Variants in SOCS7 observed in about 807,000 individuals in gnomAD.
SOCS7 encodes the protein suppressor of cytokine signaling 7, also known as NAP-4.
In SOCS7, 18 loss-of-function variants were observed where a neutral mutation model predicts 58.9. The ratio of observed to expected loss-of-function variants is 0.31; its 90% CI spans 0.21 to 0.45. The LOEUF (loss-of-function observed/expected upper bound fraction) is 0.45, where lower values mean the gene tolerates loss of function less well. Ranked by LOEUF, SOCS7 falls within the 20% of genes least tolerant of loss-of-function variation. SOCS7 has a pLI of 1.00. For missense variants in SOCS7, 667 were observed against 837.3 expected (o/e 0.80, Z 2.51); for synonymous variants, 388 against 364.3 (o/e 1.06, Z -0.74).
intron 9 of SOCS7, among the ~76,000 whole-genome samples, chr17:38,397,950 G>T (rs990315118): frequency 6.6e-6 from 1 of 152,296 alleles, no homozygotes; most frequent in Admixed American, 6.5e-5. Context: ...AGCCATGGGA[G>T]TGCCTTGGAG....
At position 38,385,391 on chromosome 17, in the gene SOCS7, G is replaced by A. The variant is rs138222888; in HGVS notation, c.1681+7549G>A. On this transcript the variant is annotated intron_variant, in intron 7 of 9. Transcript: ENST00000612932. ...TCAAAGGCTTACCCAATTTGGATTC[G>A]TTGGGGAGGGGGAGCAGCGTGACAG... Among the ~76,000 whole-genome samples, 338 of 150,650 alleles carry A rather than the reference G, an allele frequency of 2.2e-3. 2 individuals are homozygous for A. Among genetic ancestry groups the A allele is most frequent in the Non-Finnish European group, 2.6e-3 (175 of 67,844 alleles).
chr17:38,368,329 A>G (rs2144340252), intron 6 of SOCS7, among the ~76,000 whole-genome samples: 1 of 152,316 alleles, frequency 6.6e-6, no homozygotes, highest in Admixed American at 6.5e-5. Flanking sequence ...GGCTCCCGAG[A>G]AATGAGCCGG....
chr17:38,382,487 T>G (rs2038016248), intron 7 of SOCS7, among the ~76,000 whole-genome samples: 1 of 151,342 alleles, frequency 6.6e-6, no homozygotes, highest in African/African-American at 2.4e-5. Context: ...GACAGCTCAT[T>G]TTTGTTTGTT....
intron 3 of SOCS7, among the ~76,000 whole-genome samples, 196 bp from the exon 4 acceptor site, chr17:38,365,112 A>T (rs587635883): frequency 6.6e-6 from 1 of 152,322 alleles, no homozygotes; most frequent in Admixed American, 6.5e-5. Flanking sequence ...CTGCATTAGG[A>T]ATATCCTTAC....
chr17:38,397,936 A>G (rs1403700054), intron 9 of SOCS7, among the ~76,000 whole-genome samples: 1 of 152,046 alleles, frequency 6.6e-6, no homozygotes, highest in Non-Finnish European at 1.5e-5. Context: ...AATATCAAGG[A>G]GCCAGCCATG....
intron 1 of SOCS7, among the ~76,000 whole-genome samples, chr17:38,361,420 C>G (rs2037717880): frequency 6.6e-6 from 1 of 152,208 alleles, no homozygotes; most frequent in African/African-American, 2.4e-5. Context: ...AATGGACTTG[C>G]TAATTACCAC....
chr17:38,361,595 C>A, intron 1 of SOCS7, 116 bp from the exon 2 acceptor site: 1 of 805,400 alleles, frequency 1.2e-6, no homozygotes, highest in East Asian at 2.4e-5. Context: ...GTGTTGCTGA[C>A]AACGACTAGG....
At chr17:38,371,139 G>C (rs1354899321) in intron 6 of SOCS7, among the ~76,000 whole-genome samples, 2 of 152,136 alleles carry the variant, frequency 1.3e-5, no homozygotes, top group African/African-American at 2.4e-5. Flanking sequence ...TTTAAAGACA[G>C]GGTCTGGCTC....
chr17:38,352,828 C>G lies in SOCS7; in HGVS notation c.776C>G (p.Pro259Arg), dbSNP rs745932607. 6.4e-7 allele frequency: 1 copy of G among 1,565,578 alleles called. No individual in the cohort carries two copies. The highest frequency in any genetic ancestry group is 1.9e-5 in the Admixed American group (1 of 53,916). The change falls in exon 1 of 10, where the codon CCC becomes CGC. Residue 259 changes from proline to arginine, a missense_variant. Around this residue, in one of 9 missense-constraint regions of SOCS7, gnomAD observed 208 missense variants for 190.3 expected, o/e 1.09. Transcript: ENST00000612932. This position sits in a 1 kb window ranked among gnomAD's most constrained non-coding sequence, Gnocchi z 5.5. Reference protein sequence around the residue: ...QQQPPPPPPPPGPLRPLAGPS... With the variant: ...QQQPPPPPPPRGPLRPLAGPS... ...CAACCTCCCCCGCCCCCGCCTCCTC[C>G]CGGGCCCCTCCGGCCACTCGCGGGT...
Position 38,403,337 on chromosome 17 carries a change from GGGTGAGA to G in SOCS7, c.*3860_*3866del. ...GGGTAATTATAGTTCCTAGGTCTAGGGGTGAGAGGTGGGAGTAGAACCAGAAGTGCCC... is the reference window on the plus strand; with the variant it reads ...GGGTAATTATAGTTCCTAGGTCTAGGGGTGGGAGTAGAACCAGAAGTGCCC... On this transcript the variant is annotated 3_prime_UTR_variant, in exon 10 of 10. Transcript: ENST00000612932. 6.6e-6 allele frequency: 1 copy of G among 152,194 alleles called. No homozygotes were observed. Among genetic ancestry groups the G allele is most frequent in the East Asian group, 1.9e-4 (1 of 5,192 alleles). The allele number at this position is 152,194 out of a possible 1,614,324, so 9.4% of individuals were successfully genotyped here.
intron 9 of SOCS7, among the ~76,000 whole-genome samples, chr17:38,397,682 C>T (rs542913213): frequency 6.6e-6 from 1 of 152,242 alleles, no homozygotes; most frequent in South Asian, 2.1e-4. Flanking sequence ...TATTTGGCAC[C>T]CAGTATGAAT....
intron 1 of SOCS7, 64 bp from the exon 2 acceptor site, chr17:38,361,647 G>GTGAC (rs1196200508): frequency 1.1e-4 from 131 of 1,244,896 alleles, no homozygotes; most frequent in Middle Eastern, 1.9e-4. Flanking sequence ...GAGTGTTGTG[G>GTGAC]TGACTTAAAT....
chr17:38,382,421 G>C (rs999787586), intron 7 of SOCS7, among the ~76,000 whole-genome samples: 1 of 129,806 alleles, frequency 7.7e-6, no homozygotes, highest in East Asian at 2.2e-4. Flanking sequence ...CTGAGTAATA[G>C]AGCGAGACCC....
At chr17:38,360,980 T>G (rs1391133676) in intron 1 of SOCS7, among the ~76,000 whole-genome samples, 1 of 152,200 alleles carries the variant, frequency 6.6e-6, no homozygotes, top group Non-Finnish European at 1.5e-5. Flanking sequence ...CACTTGAAAG[T>G]GTGGTAAGAA....
intron 6 of SOCS7, among the ~76,000 whole-genome samples, chr17:38,369,674 CTTTT>C (rs11299884): frequency 1.6e-5 from 2 of 125,958 alleles, no homozygotes. Context: ...TCTCCGATTA[CTTTT>C]TTTTTTTTTT....
intron 6 of SOCS7, among the ~76,000 whole-genome samples, chr17:38,377,129 A>C (rs974362459): frequency 6.6e-6 from 1 of 152,240 alleles, no homozygotes; most frequent in Non-Finnish European, 1.5e-5. Flanking sequence ...GTAATGCATG[A>C]CTGTACCTAT....
At position 38,352,984 on chromosome 17, in the gene SOCS7, G is replaced by A. The variant is rs752217886; in HGVS notation, c.932G>A (p.Ser311Asn). The change falls in exon 1 of 10, where the codon AGC becomes AAC. Residue 311 changes from serine to asparagine, a missense_variant. By Grantham distance (46) the Ser-to-Asn change is conservative. Coordinates refer to ENST00000612932, the MANE Select transcript of SOCS7 (RefSeq NM_014598.4). This position sits in a 1 kb window ranked among gnomAD's most constrained non-coding sequence, Gnocchi z 5.5. Reference protein sequence around the residue: ...PSGELAASAASLTDMGGSAGR... With the variant: ...PSGELAASAANLTDMGGSAGR... ...GGAGAGCTGGCTGCTTCAGCTGCGA[G>A]CCTGACAGACATGGGAGGCTCTGCG... 5 of 1,606,286 alleles carry A rather than the reference G, an allele frequency of 3.1e-6. No individual in the cohort carries two copies. In the South Asian group the frequency reaches 4.5e-5, roughly 14 times the overall value.
At chr17:38,375,444 T>C (rs887886438) in intron 6 of SOCS7, among the ~76,000 whole-genome samples, 9 of 152,314 alleles carry the variant, frequency 5.9e-5, no homozygotes, top group Middle Eastern at 6.8e-3. Context: ...ATTTAATGAA[T>C]AGTAAATATA....
chr17:38,355,995 T>C (rs2037632306), intron 1 of SOCS7, among the ~76,000 whole-genome samples: 1 of 152,084 alleles, frequency 6.6e-6, no homozygotes, highest in African/African-American at 2.4e-5. Flanking sequence ...GCGATTCTTC[T>C]GCTTCAGCCT....
Sources: gnomAD v4.1 joint callset for allele counts (sites outside exome capture counted in the v4.1 genomes callset) on GRCh38, gnomAD v4.1.1 for gene constraint, gnomAD v4.1.1 regional missense constraint, Gnocchi (gnomAD v3.1) non-coding constraint, MANE v1.5 for transcripts, NCBI Gene and HGNC (gene_info 2026-07-23, HGNC 2026-07-21) for gene names.